The following SVIL variants were observed in gnomAD, a reference collection of about 807,000 sequenced individuals.
SVIL encodes supervillin.
A neutral mutation model predicts 240.4 loss-of-function variants in SVIL; 101 were observed. The observed-to-expected ratio is 0.42, with a 90% CI of 0.36 to 0.50. The LOEUF (loss-of-function observed/expected upper bound fraction) is 0.50. SVIL is among the 20% of genes least tolerant of loss of function. The pLI is 0.01. For synonymous variants in SVIL, 999 were observed against 1,100.0 expected, an observed-to-expected ratio of 0.91 and a Z score of 1.82; for missense variants, 2,512 against 2,818.7, an observed-to-expected ratio of 0.89 and a Z score of 2.46.
In SVIL at chr10:29,458,332, A is replaced by G. The variant is rs200364353; in HGVS notation, c.6560T>C (p.Phe2187Ser). 248 of 1,614,046 alleles carry G rather than the reference A, an allele frequency of 1.5e-4. No individual in the cohort carries two copies. Among genetic ancestry groups the G allele is most frequent in the Non-Finnish European group, 2.0e-4 (234 of 1,180,024 alleles). Reference protein sequence around the residue: ...EIYLTDEDFEFALDMTRDEYN... With the variant: ...EIYLTDEDFESALDMTRDEYN... Reference sequence around the variant, plus strand: ...TTCATCCCTCGTCATGTCTAGTGCAAACTGGAAACATTGGGAGAAGCGCCC... The same window carrying G: ...TTCATCCCTCGTCATGTCTAGTGCAGACTGGAAACATTGGGAGAAGCGCCC... The change falls in exon 38 of 38, where the codon TTT (phenylalanine) becomes TCT (serine). Residue 2187 changes from phenylalanine (F) to serine (S), a missense_variant and splice_region_variant. Physicochemically the swap from Phe to Ser is radical, Grantham distance 155 (BLOSUM62 -2). This residue lies in a region of SVIL where 797 missense variants were observed against 925.3 expected (regional missense o/e 0.86). Transcript: ENST00000355867.
At chr10:29,719,336 A>G (rs1159575468) in intron 1 of SVIL, among the ~76,000 whole-genome samples, 5 of 152,214 alleles carry the variant, frequency 3.3e-5, no homozygotes, top group Non-Finnish European at 5.9e-5. Context: ...TCCCTGTCTA[A>G]TTAGCACTGC....
intron 1 of SVIL, among the ~76,000 whole-genome samples, chr10:29,600,545 GTCAGTGGCAAAA>G (rs1032949282): frequency 6.6e-5 from 10 of 152,210 alleles, no homozygotes; most frequent in Non-Finnish European, 1.5e-4. Flanking sequence ...CTAAGGTGCT[GTCAGTGGCAAAA>G]TCAGGACTGT....
chr10:29,533,769 C>T (rs948311108), intron 7 of SVIL, among the ~76,000 whole-genome samples: 33 of 152,156 alleles, frequency 2.2e-4, no homozygotes, highest in Non-Finnish European at 3.8e-4. Flanking sequence ...CAGAAAAATG[C>T]GTTAATATCC....
chr10:29,577,429 T>A (rs1341192518), intron 1 of SVIL, among the ~76,000 whole-genome samples: 1 of 152,176 alleles, frequency 6.6e-6, no homozygotes, highest in Non-Finnish European at 1.5e-5. Context: ...TGAAAACATA[T>A]GATATTTGGT....
intron 1 of SVIL, among the ~76,000 whole-genome samples, chr10:29,587,474 C>T (rs1190713238): frequency 6.6e-6 from 1 of 152,184 alleles, no homozygotes; most frequent in Non-Finnish European, 1.5e-5. Context: ...TTTTGGCAGA[C>T]AAAGGGTTAC....
At position 29,512,753 on chromosome 10, in the gene SVIL, C is replaced by T. The variant is rs768560592; in HGVS notation, c.3498G>A (p.Gly1166=). The change falls in exon 17 of 38, where the codon GGG becomes GGA. Residue 1166 remains glycine (G), a synonymous_variant. Transcript: ENST00000355867. ...PASSLHTQEA[G]RSLIKKRVTE... ...ATGTTACCTTCTTGATGAGGGACCGCCCTGCTTCCTGGGTGTGCAGGCTGC... is the reference window on the plus strand; with the variant it reads ...ATGTTACCTTCTTGATGAGGGACCGTCCTGCTTCCTGGGTGTGCAGGCTGC... The T allele has an allele frequency of 3.7e-6, 6 of 1,614,074 alleles. No homozygotes were observed. The highest frequency in any genetic ancestry group is 5.1e-6 in the Non-Finnish European group (6 of 1,180,040).
Position 29,533,039 on chromosome 10 carries a change from A to C in SVIL, c.1328T>G (p.Val443Gly). The change falls in exon 8 of 38, where the codon GTG (valine) becomes GGG (glycine). Residue 443 changes from valine (V) to glycine (G), a missense_variant. Val to Gly is a moderately radical substitution (Grantham distance 109). This residue lies in a region of SVIL where 1,443 missense variants were observed against 1,486.6 expected (regional missense o/e 0.97). Coordinates refer to ENST00000355867, the MANE Select transcript of SVIL (RefSeq NM_021738.3). The stretch of plus-strand genomic sequence containing the variant: ...TTGCTCGAGAGCTTCAGTGAAGCAC[A>C]CATCTTCTTCTTTTTCTTCTCCTTC... ...EGEGEEKEED[V>G]CFTEALEQSK... The C allele has an allele frequency of 6.2e-7, 1 of 1,614,044 alleles. No individual in the cohort carries two copies. Among genetic ancestry groups the C allele is most frequent in the East Asian group, 2.2e-5 (1 of 44,882 alleles).
At chr10:29,633,487 A>G (rs190210370) in intron 1 of SVIL, among the ~76,000 whole-genome samples, 33 of 151,910 alleles carry the variant, frequency 2.2e-4, no homozygotes, top group African/African-American at 7.7e-4. Context: ...CATTGAGAAA[A>G]CCTGAAACAC....
chr10:29,546,433 A>G (rs1194185993), intron 6 of SVIL, among the ~76,000 whole-genome samples: 2 of 152,248 alleles, frequency 1.3e-5, no homozygotes, highest in Non-Finnish European at 2.9e-5. Flanking sequence ...TTCTGAGTTA[A>G]AAATCCTGTA....
chr10:29,644,602 C>T (rs1331128909), intron 3 of SVIL, among the ~76,000 whole-genome samples: 2 of 152,026 alleles, frequency 1.3e-5, no homozygotes, highest in African/African-American at 2.4e-5. Flanking sequence ...ACCCAGGAGG[C>T]GGAGCTTGCA....
At chr10:29,714,958 A>AG (rs1196741372) in intron 1 of SVIL, among the ~76,000 whole-genome samples, 7 of 150,992 alleles carry the variant, frequency 4.6e-5, no homozygotes, top group Non-Finnish European at 7.4e-5. Context: ...TAAAAAAAAA[A>AG]AAAAAAAAAG....
At chr10:29,551,578 C>T (rs149207111) in intron 5 of SVIL, among the ~76,000 whole-genome samples, 104 of 152,294 alleles carry the variant, frequency 6.8e-4, no homozygotes, top group Non-Finnish European at 1.3e-3. Context: ...TTTCCCCTTA[C>T]TGATTTACCC....
chr10:29,681,446 T>C (rs953353407), intron 2 of SVIL, among the ~76,000 whole-genome samples: 4 of 149,900 alleles, frequency 2.7e-5, no homozygotes, highest in African/African-American at 9.8e-5. Context: ...TGTGTGTACG[T>C]GTGTTGAGAG....
rs745718299 is a variant in SVIL, at chr10:29,480,530, C to T, written c.5377+7G>A. On this transcript the variant is annotated splice_region_variant and intron_variant, in intron 29 of 37. Transcript: ENST00000355867. ...TCAGCTGGAAAAAACCACAAGCGCT[C>T]ACTAACCTGCCGTGCTCACCATGAA... 8.7e-6 allele frequency: 14 copies of T among 1,610,246 alleles called. No individual in the cohort carries two copies. The highest frequency in any genetic ancestry group is 1.1e-5 in the Non-Finnish European group (13 of 1,178,112).
At chr10:29,706,102 T>C (rs1962873152) in intron 1 of SVIL, among the ~76,000 whole-genome samples, 1 of 152,324 alleles carries the variant, frequency 6.6e-6, no homozygotes, top group South Asian at 2.1e-4. Flanking sequence ...CTATTGTAAA[T>C]AGTGCTGCAA....
At chr10:29,694,025 A>G (rs6481619) in intron 1 of SVIL, among the ~76,000 whole-genome samples, 1 of 151,782 alleles carries the variant, frequency 6.6e-6, no homozygotes, top group Non-Finnish European at 1.5e-5. Flanking sequence ...ATGATGGGCT[A>G]AGGAGCCCAG....
In SVIL at chr10:29,591,106, C is replaced by T. The variant is rs115858660; in HGVS notation, c.-200-21794G>A. ...GAGACAAACTCCCTGCCCACACAAA[C>T]TTATGTTCTAGTAATAACCAAATAA... On this transcript the variant is annotated intron_variant, in intron 1 of 37. Coordinates refer to ENST00000355867, the MANE Select transcript of SVIL (RefSeq NM_021738.3). Among the ~76,000 whole-genome samples, 998 of 152,356 alleles carry T rather than the reference C, an allele frequency of 6.6e-3. 12 individuals carry two copies. The highest frequency in any genetic ancestry group is 0.023 in the African/African-American group (963 of 41,582).
rs201544974 is a variant in SVIL, at chr10:29,550,563, C to T, written c.827+34G>A. ...GAGGCAAAAAGAAGGTATTGTCCTG[C>T]GTTCAGGGTGCTTAGCGTGGACTGG... On this transcript the variant is annotated intron_variant, in intron 6 of 37. Transcript: ENST00000355867. The T allele has an allele frequency of 1.0e-5, 16 of 1,545,322 alleles. No individual in the cohort carries two copies. In the Admixed American group the frequency reaches 1.2e-4, roughly 12 times the overall value.
intron 1 of SVIL, 70 bp downstream of exon 1, chr10:29,634,350 A>C (rs1958227457): frequency 6.6e-6 from 1 of 152,182 alleles, no homozygotes; most frequent in Non-Finnish European, 1.5e-5. Flanking sequence ...GGCACTTAAA[A>C]AAAAGCAAAA....
Sources: allele counts gnomAD v4.1 joint callset (sites outside exome capture counted in the v4.1 genomes callset), GRCh38; gene constraint gnomAD v4.1.1; regional missense constraint gnomAD v4.1.1; transcripts MANE v1.5; gene names NCBI Gene and HGNC (gene_info 2026-07-23, HGNC 2026-07-21).